HDAC9: variants seen among roughly 807,000 people sequenced by gnomAD.
HDAC9 encodes the protein MEF-2 interacting transcription repressor (MITR) protein.
In HDAC9, 41 loss-of-function variants were observed where a neutral mutation model predicts 139.4. The ratio of observed to expected loss-of-function variants is 0.29; its 90% CI spans 0.23 to 0.38. HDAC9 has a LOEUF of 0.38. HDAC9 is among the 10% of genes least tolerant of loss of function. The pLI, the probability that HDAC9 is intolerant of heterozygous loss-of-function variation, is 1.00. For synonymous variants in HDAC9, 517 were observed against 476.2 expected, an observed-to-expected ratio of 1.09 and a Z score of -1.12; for missense variants, 1,147 against 1,297.0, an observed-to-expected ratio of 0.88 and a Z score of 1.78.
chr7:18,870,470 A>G (rs1469599764), intron 21 of HDAC9, among the ~76,000 whole-genome samples: 2 of 152,122 alleles, frequency 1.3e-5, no homozygotes, highest in South Asian at 2.1e-4. Flanking sequence ...TTTGCCTTTA[A>G]TGCATCATAT....
intron 1 of HDAC9, among the ~76,000 whole-genome samples, chr7:18,157,891 G>C (rs1411946294): frequency 6.7e-6 from 1 of 150,164 alleles, no homozygotes; most frequent in Non-Finnish European, 1.5e-5. Context: ...CAACGTGTTG[G>C]CACAGTAAGC....
intron 1 of HDAC9, among the ~76,000 whole-genome samples, chr7:18,352,642 G>A (rs1443825947): frequency 6.6e-6 from 1 of 152,062 alleles, no homozygotes; most frequent in African/African-American, 2.4e-5. Context: ...ACGTAAAGGT[G>A]AAAACAAACT....
chr7:18,882,589 C>T (rs567059549), intron 22 of HDAC9, among the ~76,000 whole-genome samples: 8 of 150,974 alleles, frequency 5.3e-5, no homozygotes, highest in Non-Finnish European at 8.9e-5. Flanking sequence ...AATATTTGTT[C>T]GGATCTCAAA....
rs754158861 is a variant in HDAC9 at position 18,629,338 on chromosome 7, C to G, written c.665-12C>G. On this transcript the variant is annotated splice_polypyrimidine_tract_variant and intron_variant, in intron 6 of 25. Transcript: ENST00000686413. ...TTTTTATCTATTTTTTTTTTTTTGT[C>G]TCAATCCCCAGCCTCTGAGCCCAAC... 6.1e-6 allele frequency: 8 copies of G among 1,316,414 alleles called. No individual in the cohort carries two copies. The highest frequency in any genetic ancestry group is 4.9e-6 in the Non-Finnish European group (5 of 1,027,494). The allele number at this position is 1,316,414 out of a possible 1,614,324, so 81.5% of individuals were successfully genotyped here.
intron 2 of HDAC9, among the ~76,000 whole-genome samples, chr7:18,187,371 AC>A (rs936942907): frequency 2.6e-5 from 4 of 151,990 alleles, no homozygotes; most frequent in Admixed American, 6.6e-5. Flanking sequence ...TGGGATTAAA[AC>A]CCTATTCTAT....
intron 12 of HDAC9, among the ~76,000 whole-genome samples, chr7:18,688,208 A>G (rs1782416783): frequency 6.6e-6 from 1 of 151,878 alleles, no homozygotes. Flanking sequence ...ATAGGATTTC[A>G]AAAGCAATAT....
intron 22 of HDAC9, among the ~76,000 whole-genome samples, chr7:18,904,907 G>A (rs1802084023): frequency 6.6e-6 from 1 of 150,444 alleles, no homozygotes; most frequent in Admixed American, 6.6e-5. Context: ...AGTTTGTTTT[G>A]TTTTGTTTTT....
intron 12 of HDAC9, among the ~76,000 whole-genome samples, chr7:18,686,529 C>T (rs1043944506): frequency 6.6e-5 from 10 of 151,928 alleles, no homozygotes; most frequent in African/African-American, 2.2e-4. Context: ...CCCAACTCTT[C>T]CATTCTTATA....
At chr7:18,177,768 G>T (rs902231054) in intron 2 of HDAC9, among the ~76,000 whole-genome samples, 3 of 152,110 alleles carry the variant, frequency 2.0e-5, no homozygotes, top group African/African-American at 7.2e-5. Flanking sequence ...GCAGTTGGCA[G>T]CTGTATTTAT....
intron 1 of HDAC9, among the ~76,000 whole-genome samples, chr7:18,103,615 G>A (rs1431548704): frequency 6.6e-6 from 1 of 152,086 alleles, no homozygotes; most frequent in South Asian, 2.1e-4. Flanking sequence ...TCTCTGTCAC[G>A]TACAGCCAAA....
intron 2 of HDAC9, among the ~76,000 whole-genome samples, chr7:18,277,004 T>C (rs1400578396): frequency 6.6e-6 from 1 of 152,204 alleles, no homozygotes; most frequent in African/African-American, 2.4e-5. Flanking sequence ...TTGAAACATA[T>C]AGTTTATTAA....
At chr7:18,881,831 A>T (rs1055621026) in intron 22 of HDAC9, among the ~76,000 whole-genome samples, 2 of 152,130 alleles carry the variant, frequency 1.3e-5, no homozygotes, top group Non-Finnish European at 2.9e-5. Context: ...TCATAATGGC[A>T]TTTCAGGCCA....
intron 1 of HDAC9, among the ~76,000 whole-genome samples, chr7:18,479,614 A>T (rs1440825236): frequency 6.6e-6 from 1 of 152,148 alleles, no homozygotes; most frequent in Non-Finnish European, 1.5e-5. Flanking sequence ...TTTTCTTGGA[A>T]TTTTGCTATT....
At position 18,648,629 on chromosome 7, in the gene HDAC9, C is replaced by G. The variant is rs2129031799; in HGVS notation, c.1413C>G (p.His471Gln). ...CTCAGCTGGTCATTCAACAGCAACA[C>G]CAGCAATTCTTGGAGAAGCAGAAGC... is the stretch of plus-strand genomic sequence containing the variant. ...TLAQLVIQQQ[H>Q]QQFLEKQKQY... The change falls in exon 11 of 26, where the codon CAC becomes CAG. Residue 471 changes from histidine to glutamine, a missense_variant. This residue lies in a region of HDAC9 where 256 missense variants were observed against 219.2 expected (regional missense o/e 1.17). Transcript: ENST00000686413. 6.2e-7 allele frequency: 1 copy of G among 1,613,438 alleles called. No homozygotes were observed. The highest frequency in any genetic ancestry group is 8.5e-7 in the Non-Finnish European group (1 of 1,179,658).
chr7:18,762,755 A>C (rs1789502253), intron 15 of HDAC9, among the ~76,000 whole-genome samples: 2 of 152,228 alleles, frequency 1.3e-5, no homozygotes, highest in African/African-American at 4.8e-5. Context: ...TTCTATAGCA[A>C]GATTGCAAAT....
At chr7:18,820,069 C>G (rs7787721) in intron 17 of HDAC9, among the ~76,000 whole-genome samples, 16,228 of 151,874 alleles carry the variant, frequency 0.11, 1,934 homozygotes, top group African/African-American at 0.29. Context: ...GAATATATTC[C>G]CTTCAAAGTT....
At chr7:18,533,604 C>G (rs904058610) in intron 2 of HDAC9, among the ~76,000 whole-genome samples, 6 of 152,092 alleles carry the variant, frequency 3.9e-5, no homozygotes, top group Non-Finnish European at 8.8e-5. Context: ...AGAATCTTCT[C>G]TTTATCTCTG....
chr7:18,902,015 G>C (rs1486776361), intron 22 of HDAC9, among the ~76,000 whole-genome samples: 1 of 152,190 alleles, frequency 6.6e-6, no homozygotes, highest in Non-Finnish European at 1.5e-5. Flanking sequence ...TTGCCCTAAA[G>C]TGTTTGGAAA....
At chr7:18,773,419 C>G (rs997524169) in intron 16 of HDAC9, among the ~76,000 whole-genome samples, 3 of 148,234 alleles carry the variant, frequency 2.0e-5, no homozygotes, top group African/African-American at 7.5e-5. Context: ...ACAAAAGCAC[C>G]TATTTCCACC....
Sources: gnomAD v4.1 joint callset for allele counts (sites outside exome capture counted in the v4.1 genomes callset) on GRCh38, gnomAD v4.1.1 for gene constraint, gnomAD v4.1.1 regional missense constraint, MANE v1.5 for transcripts, NCBI Gene and HGNC (gene_info 2026-07-23, HGNC 2026-07-21) for gene names.